PLPPR5: variants seen among roughly 807,000 people sequenced by gnomAD.
PLPPR5 encodes the protein phospholipid phosphatase related 5, also known as phospholipid phosphatase-related protein type 5.
Under a neutral mutation model 33.9 loss-of-function variants are expected in PLPPR5, and 16 were observed. The observed-to-expected ratio is 0.47, with a 90% CI of 0.32 to 0.72. The LOEUF is 0.72. PLPPR5 is among the 30% of genes least tolerant of loss of function. The pLI is 0.03. For missense variants in PLPPR5, 301 were observed against 406.7 expected, an observed-to-expected ratio of 0.74 and a Z score of 2.23; for synonymous variants, 163 against 150.3, an observed-to-expected ratio of 1.08 and a Z score of -0.62.
chr1:98,984,174 ATTATG>A lies in PLPPR5; in HGVS notation c.237+20256_237+20260del, dbSNP rs1267778052. On this transcript the variant is annotated intron_variant, in intron 1 of 5. Coordinates refer to ENST00000263177, the MANE Select transcript of PLPPR5 (RefSeq NM_001037317.2). ...CAGCCTGGCAACAGAAAATAAGACT[ATTATG>A]TTAGGATAAGCTGGACATGGAACAG... is the stretch of plus-strand genomic sequence containing the variant. 3.9e-5 allele frequency among the ~76,000 whole-genome samples: 6 copies of A among 152,066 alleles called. No homozygotes were observed. In the East Asian group the frequency reaches 1.2e-3, roughly 30 times the overall value.
chr1:98,932,501 AC>A (rs1380001610), intron 3 of PLPPR5, among the ~76,000 whole-genome samples: 2 of 152,244 alleles, frequency 1.3e-5, no homozygotes, highest in African/African-American at 2.4e-5. Context: ...TATAATTAGA[AC>A]AAAAATATAT....
intron 5 of PLPPR5, among the ~76,000 whole-genome samples, chr1:98,907,615 G>A (rs1648956165): frequency 6.6e-6 from 1 of 152,182 alleles, no homozygotes; most frequent in African/African-American, 2.4e-5. Context: ...AAATAGGACA[G>A]ATTTAGCTCA....
In PLPPR5 at chr1:98,953,175, A is replaced by T. The variant is rs1445117469; in HGVS notation, c.516T>A (p.Ser172Arg). 1 of 1,614,068 alleles carries T rather than the reference A, an allele frequency of 6.2e-7. No homozygotes were observed. Among genetic ancestry groups the T allele is most frequent in the Admixed American group, 1.7e-5 (1 of 60,016 alleles). Residue 172 changes from serine to arginine, a missense_variant, in exon 3 of 6, where the codon AGT becomes AGA. Physicochemically the swap from Ser to Arg is moderately radical, Grantham distance 110 (BLOSUM62 -1). Coordinates refer to ENST00000263177, the MANE Select transcript of PLPPR5 (RefSeq NM_001037317.2). ...LGCQQYTQFISGEEACTGNPD... is the reference protein window; with the variant it reads ...LGCQQYTQFIRGEEACTGNPD... ...GGTTGCCAGTACAGGCCTCTTCCCC[A>T]CTGATGAATTGTGTATACTGCTGAC...
chr1:98,934,028 G>A (rs1327029049), intron 3 of PLPPR5, among the ~76,000 whole-genome samples: 1 of 152,192 alleles, frequency 6.6e-6, no homozygotes, highest in East Asian at 1.9e-4. Context: ...TGGGCACCAG[G>A]GGAGGAAGAC....
intron 5 of PLPPR5, among the ~76,000 whole-genome samples, chr1:98,913,630 T>G (rs1452319089): frequency 6.6e-6 from 1 of 152,228 alleles, no homozygotes; most frequent in Non-Finnish European, 1.5e-5. Flanking sequence ...CTTATTGCAG[T>G]CACTGAAGAA....
intron 4 of PLPPR5, among the ~76,000 whole-genome samples, chr1:98,921,604 G>A (rs1649555753): frequency 1.3e-5 from 2 of 152,166 alleles, no homozygotes; most frequent in Non-Finnish European, 1.5e-5. Context: ...GGGAGGGACA[G>A]TATGTTTTTA....
At chr1:98,915,412 T>C (rs148556112) in intron 4 of PLPPR5, among the ~76,000 whole-genome samples, 2,684 of 152,256 alleles carry the variant, frequency 0.018, 85 homozygotes, top group African/African-American at 0.061. Flanking sequence ...TAGCTTATCG[T>C]CTATTATTGT....
intron 5 of PLPPR5, among the ~76,000 whole-genome samples, chr1:98,911,241 G>GCTTTACTC (rs1405501982): frequency 2.1e-4 from 32 of 152,186 alleles, no homozygotes; most frequent in Non-Finnish European, 4.4e-4. Context: ...CTGGAGCTCA[G>GCTTTACTC]CAGGGTGTGG....
chr1:99,004,429 G>C lies in PLPPR5; in HGVS notation c.237+6C>G. On this transcript the variant is annotated splice_donor_region_variant and intron_variant, in intron 1 of 5. Coordinates refer to ENST00000263177, the MANE Select transcript of PLPPR5 (RefSeq NM_001037317.2). Reference sequence around the variant, plus strand: ...CGGCGACGAGGGCGAGCGCCCCCGGGCTTACCACGAGCACGGGGACCCCGG... The same window carrying C: ...CGGCGACGAGGGCGAGCGCCCCCGGCCTTACCACGAGCACGGGGACCCCGG... 1 of 1,599,590 alleles carries C rather than the reference G, an allele frequency of 6.3e-7. No individual in the cohort carries two copies. The highest frequency in any genetic ancestry group is 8.5e-7 in the Non-Finnish European group (1 of 1,172,738).
chr1:98,901,907 TAGAGA>T (rs1648707384), intron 5 of PLPPR5, among the ~76,000 whole-genome samples: 1 of 152,050 alleles, frequency 6.6e-6, no homozygotes, highest in African/African-American at 2.4e-5. Context: ...ATATAATGGT[TAGAGA>T]ATTTATATGG....
chr1:98,921,850 A>G (rs1420348643), intron 4 of PLPPR5, 32 bp downstream of exon 4: 2 of 1,553,826 alleles, frequency 1.3e-6, no homozygotes, highest in Non-Finnish European at 1.8e-6. Context: ...TTAATTAAAA[A>G]CCCAATGATA....
At chr1:98,934,218 G>A (rs1650095632) in intron 3 of PLPPR5, among the ~76,000 whole-genome samples, 1 of 152,118 alleles carries the variant, frequency 6.6e-6, no homozygotes, top group Non-Finnish European at 1.5e-5. Context: ...GAGCTTGGGT[G>A]GCAATAGGAC....
intron 3 of PLPPR5, among the ~76,000 whole-genome samples, chr1:98,950,064 C>T (rs1273375266): frequency 2.0e-5 from 3 of 152,198 alleles, no homozygotes; most frequent in African/African-American, 7.2e-5. Context: ...AAGAATTCAG[C>T]AGCAGATGCA....
At chr1:98,951,438 G>A (rs309085) in intron 3 of PLPPR5, among the ~76,000 whole-genome samples, 31,205 of 152,018 alleles carry the variant, frequency 0.21, 3,423 homozygotes, top group African/African-American at 0.27. Flanking sequence ...GGAGAGAGTT[G>A]TAACAGACAA....
chr1:98,896,876 C>T (rs1233548198), intron 5 of PLPPR5, among the ~76,000 whole-genome samples: 4 of 152,056 alleles, frequency 2.6e-5, no homozygotes, highest in African/African-American at 7.2e-5. Context: ...AAAACTGTCA[C>T]GATTCGTGGC....
chr1:98,972,352 A>G (rs1189495207), intron 1 of PLPPR5, among the ~76,000 whole-genome samples: 1 of 152,112 alleles, frequency 6.6e-6, no homozygotes, highest in Non-Finnish European at 1.5e-5. Context: ...TTAATGAGCA[A>G]TTCTGAACAC....
chr1:98,933,793 G>A (rs1650073050), intron 3 of PLPPR5, among the ~76,000 whole-genome samples: 1 of 152,204 alleles, frequency 6.6e-6, no homozygotes, highest in East Asian at 1.9e-4. Context: ...GGTTGTCTCT[G>A]ATGCATGTAG....
intron 4 of PLPPR5, among the ~76,000 whole-genome samples, chr1:98,916,552 A>G (rs7516102): frequency 0.99 from 150,464 of 152,348 alleles, 74,321 homozygotes; most frequent in East Asian, 1. Context: ...ATTCAACTCC[A>G]CCTTTTTGGT....
chr1:98,927,342 T>A (rs888810820), intron 3 of PLPPR5, among the ~76,000 whole-genome samples: 2 of 152,146 alleles, frequency 1.3e-5, no homozygotes, highest in Non-Finnish European at 2.9e-5. Flanking sequence ...AAGGTCAAGG[T>A]GGGGAGGCAA....
Sources: gnomAD v4.1 joint callset for allele counts (sites outside exome capture counted in the v4.1 genomes callset) on GRCh38, gnomAD v4.1.1 for gene constraint, MANE v1.5 for transcripts, NCBI Gene and HGNC (gene_info 2026-07-23, HGNC 2026-07-21) for gene names.